The following AGO3 variants were observed in gnomAD, a reference collection of about 807,000 sequenced individuals.
The protein encoded by AGO3 is argonaute RISC catalytic component 3.
AGO3 carries 16 observed loss-of-function variants against 105.5 expected under a neutral mutation model. That is an observed-to-expected ratio of 0.15 (90% CI 0.10 to 0.23). AGO3 has a LOEUF of 0.23. Among genes scored for constraint, AGO3 ranks in the 10% least tolerant of loss-of-function variants. The probability of loss-of-function intolerance (pLI) is 1.00; values close to 1 mark genes in which losing one functional copy is unlikely to be tolerated. For missense variants in AGO3, 534 were observed against 1,088.0 expected, an observed-to-expected ratio of 0.49 and a Z score of 7.16; for synonymous variants, 340 against 367.3, an observed-to-expected ratio of 0.93 and a Z score of 0.85.
chr1:36,007,354 C>T (rs1324244581), intron 6 of AGO3, among the ~76,000 whole-genome samples: 1 of 152,138 alleles, frequency 6.6e-6, no homozygotes. Flanking sequence ...GTTAACTCTT[C>T]TCTAGGCTAA....
chr1:36,050,771 G>A lies in AGO3; in HGVS notation c.2275-4175G>A, dbSNP rs370122068. ...CACCATTGCACACTCCAGCCTGGGTGACTGAGTGGGACTCTATCTCAAAAA... is the reference window on the plus strand; with the variant it reads ...CACCATTGCACACTCCAGCCTGGGTAACTGAGTGGGACTCTATCTCAAAAA... On this transcript the variant is annotated intron_variant, in intron 17 of 18. Coordinates refer to ENST00000373191, the MANE Select transcript of AGO3 (RefSeq NM_024852.4). 4.9e-4 allele frequency among the ~76,000 whole-genome samples: 71 copies of A among 145,428 alleles called. No individual in the cohort carries two copies. The South Asian group carries it at 5.6e-3, about 11-fold the overall frequency.
intron 1 of AGO3, among the ~76,000 whole-genome samples, chr1:35,937,218 A>G (rs949158210): frequency 6.6e-6 from 1 of 152,132 alleles, no homozygotes; most frequent in Non-Finnish European, 1.5e-5. Context: ...CCTGACCAAA[A>G]TGGTGAAACC....
chr1:36,047,199 C>T (rs1001418066), intron 17 of AGO3, among the ~76,000 whole-genome samples: 13 of 151,814 alleles, frequency 8.6e-5, no homozygotes, highest in African/African-American at 2.9e-4. Context: ...GCCGAGATCA[C>T]GCCACTGCAC....
At chr1:36,051,572 T>C (rs1642716226) in intron 17 of AGO3, among the ~76,000 whole-genome samples, 2 of 151,818 alleles carry the variant, frequency 1.3e-5, no homozygotes, top group Non-Finnish European at 2.9e-5. Flanking sequence ...ATAAAAAAAT[T>C]AGCTGGACGT....
At chr1:36,028,756 T>A (rs1024914821) in intron 12 of AGO3, among the ~76,000 whole-genome samples, 1 of 152,136 alleles carries the variant, frequency 6.6e-6, no homozygotes, top group South Asian at 2.1e-4. Context: ...TTTGGGTATA[T>A]ACCCAGTAAT....
intron 6 of AGO3, among the ~76,000 whole-genome samples, chr1:36,006,077 T>C (rs1569739866): frequency 6.6e-6 from 1 of 152,110 alleles, no homozygotes; most frequent in East Asian, 1.9e-4. Context: ...ACAAACTGAT[T>C]ATTTTTTTCT....
intron 1 of AGO3, among the ~76,000 whole-genome samples, chr1:35,931,814 CT>C (rs1646055398): frequency 6.6e-6 from 1 of 152,266 alleles, no homozygotes; most frequent in African/African-American, 2.4e-5. Flanking sequence ...AGCCAGCCAG[CT>C]CCCTTACCTA....
At chr1:36,054,583 A>T (rs184308860) in intron 17 of AGO3, among the ~76,000 whole-genome samples, 1 of 152,184 alleles carries the variant, frequency 6.6e-6, no homozygotes, top group South Asian at 2.1e-4. Context: ...AATATTTATT[A>T]AAAAGTTCAA....
Position 36,014,262 on chromosome 1 carries a change from A to G in AGO3, c.1406+214A>G, listed in dbSNP as rs145933020. Among the ~76,000 whole-genome samples, 1,252 of 151,676 alleles carry G rather than the reference A, an allele frequency of 8.3e-3. 17 individuals carry two copies. The highest frequency in any genetic ancestry group is 0.028 in the African/African-American group (1,174 of 41,386). ...CAACCTCCACCTCCCAGGCTCAAGC[A>G]ATTCTCCTGCCTCAGCCTCCCAAGT... On this transcript the variant is annotated intron_variant, in intron 11 of 18. Transcript: ENST00000373191.
intron 8 of AGO3, 178 bp from the exon 9 acceptor site, chr1:36,009,293 TTTAC>T: frequency 1.2e-6 from 1 of 830,868 alleles, no homozygotes. Flanking sequence ...TGGTGTACAT[TTTAC>T]TTAATTATAC....
chr1:36,047,803 G>A (rs767464298), intron 17 of AGO3, among the ~76,000 whole-genome samples: 20 of 151,962 alleles, frequency 1.3e-4, no homozygotes, highest in Non-Finnish European at 1.0e-4. Context: ...CACTTGAGCC[G>A]GGGAGGTTGA....
chr1:36,029,391 CTTTTTTTTTTTTTTT>C (rs71034710), intron 12 of AGO3, among the ~76,000 whole-genome samples: 1 of 121,686 alleles, frequency 8.2e-6, no homozygotes, highest in Non-Finnish European at 1.8e-5. Context: ...CTCTTTCTTT[CTTTTTTTTTTTTTTT>C]TTTTTTGAGA....
At position 36,043,536 on chromosome 1, in the gene AGO3, T is replaced by G. The variant is rs1460751943; in HGVS notation, c.2262T>G (p.His754Gln). ...AGTTCGATTTTTACCTCTGTAGCCA[T>G]GCTGGAATACAGGTAAGCCTACACT... ...PYEFDFYLCS[H>Q]AGIQGTSRPS... The change falls in exon 17 of 19, where the codon CAT (histidine) becomes CAG (glutamine). Residue 754 changes from histidine (H) to glutamine (Q), a missense_variant. Physicochemically the swap from His to Gln is conservative, Grantham distance 24. Around this residue, in one of 2 missense-constraint regions of AGO3, gnomAD observed 373 missense variants for 854.0 expected, o/e 0.44. Coordinates refer to ENST00000373191, the MANE Select transcript of AGO3 (RefSeq NM_024852.4). 1 of 1,611,424 alleles carries G rather than the reference T, an allele frequency of 6.2e-7. No individual in the cohort carries two copies. The highest frequency in any genetic ancestry group is 8.5e-7 in the Non-Finnish European group (1 of 1,178,242).
At chr1:35,969,387 G>T (rs1400086393) in intron 3 of AGO3, among the ~76,000 whole-genome samples, 1 of 152,092 alleles carries the variant, frequency 6.6e-6, no homozygotes, top group Non-Finnish European at 1.5e-5. Flanking sequence ...GGATCCTGTT[G>T]CTCATTGGAT....
At chr1:35,993,018 G>T (rs1049324092) in intron 5 of AGO3, among the ~76,000 whole-genome samples, 2 of 152,128 alleles carry the variant, frequency 1.3e-5, no homozygotes, top group African/African-American at 2.4e-5. Flanking sequence ...TCCAGAGCAG[G>T]AATTCATGAG....
intron 2 of AGO3, among the ~76,000 whole-genome samples, chr1:35,949,143 A>G (rs1646423611): frequency 6.6e-6 from 1 of 152,106 alleles, no homozygotes; most frequent in Non-Finnish European, 1.5e-5. Flanking sequence ...AGGTTTCTCC[A>G]TGTTGGTCAG....
At chr1:35,952,720 G>A (rs924620107) in intron 2 of AGO3, among the ~76,000 whole-genome samples, 1 of 152,106 alleles carries the variant, frequency 6.6e-6, no homozygotes, top group Non-Finnish European at 1.5e-5. Flanking sequence ...CAGGTTTGTA[G>A]CCCAGGAGTA....
intron 16 of AGO3, 188 bp from the exon 17 acceptor site, chr1:36,043,259 T>A (rs990362150): frequency 5.2e-6 from 3 of 573,140 alleles, no homozygotes; most frequent in Non-Finnish European, 9.3e-6. Context: ...CAGCGCTCAC[T>A]TTCAGCAACA....
At chr1:35,979,891 G>C (rs904210158) in intron 5 of AGO3, among the ~76,000 whole-genome samples, 2 of 151,564 alleles carry the variant, frequency 1.3e-5, no homozygotes, top group African/African-American at 4.9e-5. Context: ...CTTTTTTTCT[G>C]TTTGGTGGAT....
Sources: allele counts gnomAD v4.1 joint callset (sites outside exome capture counted in the v4.1 genomes callset), GRCh38; gene constraint gnomAD v4.1.1; regional missense constraint gnomAD v4.1.1; transcripts MANE v1.5; gene names NCBI Gene and HGNC (gene_info 2026-07-23, HGNC 2026-07-21).